The following FRAS1 variants were observed in gnomAD, a reference collection of about 807,000 sequenced individuals.
FRAS1 encodes extracellular matrix organizing protein FRAS1.
In FRAS1, 290 loss-of-function variants were observed where a neutral mutation model predicts 435.2. The ratio of observed to expected loss-of-function variants is 0.67; its 90% CI spans 0.61 to 0.73. FRAS1 has a LOEUF of 0.73. FRAS1 is among the 30% of genes least tolerant of loss of function. The probability of loss-of-function intolerance (pLI) is 0.00; values close to 1 mark genes in which losing one functional copy is unlikely to be tolerated. For missense variants in FRAS1, 4,860 were observed against 5,001.5 expected (o/e 0.97, Z 0.85); for synonymous variants, 1,800 against 1,851.0 (o/e 0.97, Z 0.71).
Position 78,445,534 on chromosome 4 carries a change from G to T in FRAS1, c.5678G>T (p.Gly1893Val). The T allele has an allele frequency of 6.4e-7, 1 of 1,573,232 alleles. No homozygotes were observed. Residue 1893 changes from glycine to valine, a missense_variant, in exon 42 of 74, where the codon GGC becomes GTC. Coordinates refer to ENST00000512123, the MANE Select transcript of FRAS1 (RefSeq NM_025074.7). The part of the protein sequence containing the change: ...IENTGTGDRF[G>V]PETASDLEAS... ...GATGTTGATGCAGGTGATCGTTTTG[G>T]CCCTGAAACTGCCAGTGACCTAGAG...
At chr4:78,090,197 C>A (rs1162222798) in intron 2 of FRAS1, among the ~76,000 whole-genome samples, 1 of 152,112 alleles carries the variant, frequency 6.6e-6, no homozygotes, top group African/African-American at 2.4e-5. Flanking sequence ...AGTACTCTAG[C>A]AAAACACACA....
In FRAS1 at chr4:78,482,444, G is replaced by A; in HGVS notation, c.8661G>A (p.Glu2887=). 1.2e-6 allele frequency: 2 copies of A among 1,613,904 alleles called. No individual in the cohort carries two copies. The highest frequency in any genetic ancestry group is 2.2e-5 in the South Asian group (2 of 91,076). The change falls in exon 58 of 74, where the codon GAG becomes GAA. Residue 2887 remains glutamate (E), a synonymous_variant. Transcript: ENST00000512123. The part of the protein sequence containing the change: ...DTQYPVIEGL[E]TFVVFLSSAQ... ...AGTATCCGGTAATTGAAGGACTGGAGACATTTGTGGTTTTCCTCAGCTCAG... is the reference window on the plus strand; with the variant it reads ...AGTATCCGGTAATTGAAGGACTGGAAACATTTGTGGTTTTCCTCAGCTCAG...
At chr4:78,420,589 T>TTAGTTCTATACCTGAAAAATTTAG (rs1262339009) in intron 33 of FRAS1, among the ~76,000 whole-genome samples, 12 of 106,206 alleles carry the variant, frequency 1.1e-4, no homozygotes, top group Non-Finnish European at 1.5e-4. Context: ...GTTCTTAGAA[T>TTAGTTCTATACCTGAAAAATTTAG]AATCAAGACC....
chr4:78,520,752 C>T (rs541999971), intron 67 of FRAS1, among the ~76,000 whole-genome samples: 8 of 152,226 alleles, frequency 5.3e-5, no homozygotes, highest in African/African-American at 1.9e-4. Flanking sequence ...TTGGGTGAAT[C>T]CACAGATGCA....
intron 14 of FRAS1, among the ~76,000 whole-genome samples, chr4:78,298,020 CTCTCTCTCTCTA>C (rs1322768103): frequency 6.6e-5 from 7 of 106,278 alleles, no homozygotes; most frequent in Non-Finnish European, 9.6e-5. Context: ...CTCTCTCTCT[CTCTCTCTCTCTA>C]TATATATATA....
Position 78,300,559 on chromosome 4 carries a change from C to G in FRAS1, c.1535-7507C>G, listed in dbSNP as rs185164176. Among the ~76,000 whole-genome samples the G allele has an allele frequency of 6.7e-4, 102 of 152,286 alleles. 1 individual carries two copies. The East Asian group carries it at 0.016, about 23-fold the overall frequency. ...GTCATGCAGTAGACTCTGTGCTGGT[C>G]TCCTGCTTGCTAGCAGGTCCTTAAA... is the stretch of plus-strand genomic sequence containing the variant. On this transcript the variant is annotated intron_variant, in intron 14 of 73. Transcript: ENST00000512123.
In FRAS1 at chr4:78,511,512, G is replaced by A. The variant is rs1345040106; in HGVS notation, c.10013+6G>A. 6.2e-7 allele frequency: 1 copy of A among 1,602,618 alleles called. No individual in the cohort carries two copies. Among genetic ancestry groups the A allele is most frequent in the Non-Finnish European group, 8.5e-7 (1 of 1,171,024 alleles). On this transcript the variant is annotated splice_donor_region_variant and intron_variant, in intron 64 of 73. Coordinates refer to ENST00000512123, the MANE Select transcript of FRAS1 (RefSeq NM_025074.7). ...CATAAGGAGCATCCGAACAGGTCAG[G>A]CAGGTGGTGCCTTCCACCACACATA...
chr4:78,092,444 A>G (rs923986049), intron 2 of FRAS1, among the ~76,000 whole-genome samples: 174 of 152,322 alleles, frequency 1.1e-3, no homozygotes, highest in Non-Finnish European at 4.6e-4. Context: ...TCTTATGTGG[A>G]TGGCAGTAGG....
chr4:78,195,774 C>T lies in FRAS1; in HGVS notation c.109-41736C>T, dbSNP rs1485539394. Among the ~76,000 whole-genome samples, 8 of 152,082 alleles carry T rather than the reference C, an allele frequency of 5.3e-5. No individual in the cohort carries two copies. In the East Asian group the frequency reaches 1.5e-3, roughly 29 times the overall value. On this transcript the variant is annotated intron_variant, in intron 2 of 73. Coordinates refer to ENST00000512123, the MANE Select transcript of FRAS1 (RefSeq NM_025074.7). ...CGGCTCACACTCAGTGCGCTGCACC[C>T]ACTGTCCTGCACCCACTTTCTGACA...
chr4:78,480,708 T>C (rs1273092617), intron 56 of FRAS1, among the ~76,000 whole-genome samples: 1 of 152,226 alleles, frequency 6.6e-6, no homozygotes, highest in Non-Finnish European at 1.5e-5. Context: ...CCTTTCCCAC[T>C]TGTGGCTCCA....
chr4:78,280,252 T>C (rs983633725), intron 10 of FRAS1, among the ~76,000 whole-genome samples: 1 of 152,196 alleles, frequency 6.6e-6, no homozygotes, highest in Non-Finnish European at 1.5e-5. Flanking sequence ...AAATAAGAGT[T>C]ACTTGAACAT....
chr4:78,383,119 C>T (rs989377557), intron 27 of FRAS1, among the ~76,000 whole-genome samples: 1 of 152,206 alleles, frequency 6.6e-6, no homozygotes, highest in Non-Finnish European at 1.5e-5. Context: ...GTGGGTAAGT[C>T]TTACCTTCCC....
At chr4:78,215,110 G>A (rs958346146) in intron 2 of FRAS1, among the ~76,000 whole-genome samples, 6 of 152,224 alleles carry the variant, frequency 3.9e-5, no homozygotes, top group South Asian at 2.1e-4. Context: ...GTAACTTGAC[G>A]CTGGTCTATA....
intron 14 of FRAS1, among the ~76,000 whole-genome samples, chr4:78,294,427 A>C (rs1728050179): frequency 6.6e-6 from 1 of 152,216 alleles, no homozygotes. Flanking sequence ...GGATGAGTAG[A>C]AGCTGAGAAG....
At chr4:78,308,020 TC>T in intron 14 of FRAS1, 45 bp from the exon 15 acceptor site, 1 of 1,540,040 alleles carries the variant, frequency 6.5e-7, no homozygotes, top group South Asian at 1.3e-5. Context: ...TGATGACCAG[TC>T]CTTTCTGCCG....
At chr4:78,499,209 A>G (rs1720602238) in intron 60 of FRAS1, among the ~76,000 whole-genome samples, 1 of 152,190 alleles carries the variant, frequency 6.6e-6, no homozygotes, top group Admixed American at 6.5e-5. Flanking sequence ...GGGAGGTGAG[A>G]GCACTAAGAG....
chr4:78,128,277 A>T (rs1301520121), intron 2 of FRAS1, among the ~76,000 whole-genome samples: 4 of 152,112 alleles, frequency 2.6e-5, no homozygotes, highest in African/African-American at 7.2e-5. Flanking sequence ...CAGTAATGGG[A>T]TTGCTGGGTC....
intron 22 of FRAS1, among the ~76,000 whole-genome samples, chr4:78,365,777 A>G (rs1265146079): frequency 2.6e-5 from 4 of 150,968 alleles, no homozygotes; most frequent in African/African-American, 4.9e-5. Context: ...CCTGACCAAC[A>G]TGGTGAAACC....
At chr4:78,346,247 T>C (rs1730601273) in intron 20 of FRAS1, among the ~76,000 whole-genome samples, 1 of 152,228 alleles carries the variant, frequency 6.6e-6, no homozygotes, top group Non-Finnish European at 1.5e-5. Context: ...TTGATTCTGA[T>C]TGGGCCCACT....
Sources: allele counts gnomAD v4.1 joint callset (sites outside exome capture counted in the v4.1 genomes callset), GRCh38; gene constraint gnomAD v4.1.1; transcripts MANE v1.5; gene names NCBI Gene and HGNC (gene_info 2026-07-23, HGNC 2026-07-21).